PCDHGA2: variants seen among roughly 807,000 people sequenced by gnomAD.
PCDHGA2 encodes protocadherin gamma subfamily A, 2.
Under a neutral mutation model 59.2 loss-of-function variants are expected in PCDHGA2, and 40 were observed. The observed-to-expected ratio is 0.68, with a 90% CI of 0.52 to 0.88. The LOEUF (loss-of-function observed/expected upper bound fraction) is 0.88. Ranked by LOEUF, PCDHGA2 falls within the 40% of genes least tolerant of loss-of-function variation. The probability of loss-of-function intolerance (pLI) is 0.00; values close to 1 mark genes in which losing one functional copy is unlikely to be tolerated. For synonymous variants in PCDHGA2, 560 were observed against 526.0 expected, an observed-to-expected ratio of 1.06 and a Z score of -0.89; for missense variants, 1,226 against 1,204.0, an observed-to-expected ratio of 1.02 and a Z score of -0.27.
Position 141,342,842 on chromosome 5 carries a change from C to T in PCDHGA2, c.2424+1447C>T, listed in dbSNP as rs1757217273. 3.3e-5 allele frequency: 5 copies of T among 152,270 alleles called. No homozygotes were observed. In the South Asian group the frequency reaches 1.0e-3, roughly 32 times the overall value. The allele number at this position is 152,270 out of a possible 1,614,324, so 9.4% of individuals were successfully genotyped here. On this transcript the variant is annotated intron_variant, in intron 1 of 3. Transcript: ENST00000394576. Reference sequence around the variant, plus strand: ...GATTCTGGAACATAAAAGCTTATTTCTACTAGTTTCAGTTGGTTTTGAAAA... The same window carrying T: ...GATTCTGGAACATAAAAGCTTATTTTTACTAGTTTCAGTTGGTTTTGAAAA...
At chr5:141,371,550 C>T in intron 1 of PCDHGA2, 1 of 1,613,828 alleles carries the variant, frequency 6.2e-7, no homozygotes, top group South Asian at 1.1e-5. Context: ...CCTATGCCAA[C>T]TAAAAGGAAA....
chr5:141,341,014 C>T lies in PCDHGA2; in HGVS notation c.2043C>T (p.Ser681=), dbSNP rs760848741. 7.4e-6 allele frequency: 12 copies of T among 1,614,112 alleles called. No individual in the cohort carries two copies. Among genetic ancestry groups the T allele is most frequent in the South Asian group, 3.3e-5 (3 of 91,076 alleles). The stretch of plus-strand genomic sequence containing the variant: ...CCGACCTGGGCAGCCTCGAGCCCTC[C>T]GCCATACCCAACGATTCGGACCTCA... ...ILADLGSLEP[S]AIPNDSDLTL... The change falls in exon 1 of 4, where the codon TCC becomes TCT. Residue 681 remains serine, a synonymous_variant. Transcript: ENST00000394576.
In PCDHGA2 at chr5:141,405,262, C is replaced by A. The variant is rs1352663124; in HGVS notation, c.2424+63867C>A. ...ACTCAAGGAAGAGTCACCTGATCTT[C>A]CCCCAGCCCAACTATGCAGACACAC... On this transcript the variant is annotated intron_variant, in intron 1 of 3. Coordinates refer to ENST00000394576, the MANE Select transcript of PCDHGA2 (RefSeq NM_018915.4). The A allele has an allele frequency of 2.5e-6, 4 of 1,614,012 alleles. No individual in the cohort carries two copies. In the African/African-American group the frequency reaches 5.3e-5, roughly 22 times the overall value.
chr5:141,501,970 T>C (rs2099812082), intron 2 of PCDHGA2, among the ~76,000 whole-genome samples: 1 of 152,068 alleles, frequency 6.6e-6, no homozygotes. Flanking sequence ...TCCTAACCTC[T>C]GGCATCTGGT....
intron 1 of PCDHGA2, chr5:141,415,452 C>G (rs2095870569): frequency 1.9e-6 from 3 of 1,614,122 alleles, no homozygotes; most frequent in Admixed American, 1.7e-5. Context: ...CCTATTCCCA[C>G]GAGGTCTCTC....
Position 141,339,953 on chromosome 5 carries a change from C to G in PCDHGA2, c.982C>G (p.Leu328Val). The change falls in exon 1 of 4, where the codon CTA becomes GTA. Residue 328 changes from leucine to valine, a missense_variant. By Grantham distance (32) the Leu-to-Val change is conservative. Transcript: ENST00000394576. ...DIEAQDGPGL[L>V]TRAKVIVTVL... Reference sequence around the variant, plus strand: ...TGAAGCTCAGGATGGTCCGGGCCTTCTAACCAGAGCGAAGGTTATCGTCAC... The same window carrying G: ...TGAAGCTCAGGATGGTCCGGGCCTTGTAACCAGAGCGAAGGTTATCGTCAC... 1 of 1,614,142 alleles carries G rather than the reference C, an allele frequency of 6.2e-7. No individual in the cohort carries two copies. The highest frequency in any genetic ancestry group is 8.5e-7 in the Non-Finnish European group (1 of 1,179,990).
At chr5:141,398,608 G>C in intron 1 of PCDHGA2, 4 of 1,614,062 alleles carry the variant, frequency 2.5e-6, no homozygotes, top group Non-Finnish European at 3.4e-6. Context: ...AGAAGATGCA[G>C]ATATTGGCTT....
chr5:141,375,428 C>T, intron 1 of PCDHGA2: 1 of 1,613,984 alleles, frequency 6.2e-7, no homozygotes, highest in Non-Finnish European at 8.5e-7. Flanking sequence ...CAACGACAAC[C>T]CGCCCACCTT....
Position 141,431,449 on chromosome 5 carries a change from G to A in PCDHGA2, c.2425-63358G>A. Reference sequence around the variant, plus strand: ...GCACAGGCACCGCGCGCATCCGCGTGATGGTTCTGGATGCGAACGACAACG... The same window carrying A: ...GCACAGGCACCGCGCGCATCCGCGTAATGGTTCTGGATGCGAACGACAACG... On this transcript the variant is annotated intron_variant, in intron 1 of 3. Coordinates refer to ENST00000394576, the MANE Select transcript of PCDHGA2 (RefSeq NM_018915.4). The surrounding 1 kb of genome is among the most constrained non-coding windows in gnomAD (Gnocchi z 4.8). The A allele has an allele frequency of 6.2e-7, 1 of 1,613,742 alleles. No individual in the cohort carries two copies. Among genetic ancestry groups the A allele is most frequent in the South Asian group, 1.1e-5 (1 of 91,082 alleles).
chr5:141,432,336 G>A lies in PCDHGA2; in HGVS notation c.2425-62471G>A. On this transcript the variant is annotated intron_variant, in intron 1 of 3. Coordinates refer to ENST00000394576, the MANE Select transcript of PCDHGA2 (RefSeq NM_018915.4). The surrounding 1 kb of genome is among the most constrained non-coding windows in gnomAD (Gnocchi z 6.0). ...AGCTCCTTCGACTACGAGCAGTTCC[G>A]AGACTTGCAAGTGAAAGTGATGGCG... 1.2e-6 allele frequency: 2 copies of A among 1,614,250 alleles called. No homozygotes were observed. The highest frequency in any genetic ancestry group is 1.7e-6 in the Non-Finnish European group (2 of 1,180,040).
chr5:141,388,324 A>G, intron 1 of PCDHGA2: 1 of 1,613,978 alleles, frequency 6.2e-7, no homozygotes, highest in Non-Finnish European at 8.5e-7. Context: ...GAGTCTGCAC[A>G]GCCTGGCACA....
chr5:141,368,472 A>G (rs1765672364), intron 1 of PCDHGA2, among the ~76,000 whole-genome samples: 1 of 152,196 alleles, frequency 6.6e-6, no homozygotes, highest in South Asian at 2.1e-4. Flanking sequence ...ATGCATCCAA[A>G]GAGTAACAAG....
Position 141,399,060 on chromosome 5 carries a change from T to C in PCDHGA2, c.2424+57665T>C, listed in dbSNP as rs903637711. 1.9e-5 allele frequency: 31 copies of C among 1,613,868 alleles called. No homozygotes were observed. In the African/African-American group the frequency reaches 2.8e-4, roughly 15 times the overall value. ...TGGATTTTGAAGAGACCAAGGAATA[T>C]TCAATGGTTGTAGAAGGGAGGGATG... On this transcript the variant is annotated intron_variant, in intron 1 of 3. Coordinates refer to ENST00000394576, the MANE Select transcript of PCDHGA2 (RefSeq NM_018915.4).
In PCDHGA2 at chr5:141,489,744, C is replaced by T. The variant is rs185263705; in HGVS notation, c.2425-5063C>T. The T allele has an allele frequency of 1.1e-5, 18 of 1,614,144 alleles. No homozygotes were observed. In the Admixed American group the frequency reaches 2.8e-4, roughly 25 times the overall value. Reference sequence around the variant, plus strand: ...CGGATGTGGGCACCAATACTGTGAGCTTTTACACTCTAAGCCCCAACAGCC... The same window carrying T: ...CGGATGTGGGCACCAATACTGTGAGTTTTTACACTCTAAGCCCCAACAGCC... On this transcript the variant is annotated intron_variant, in intron 1 of 3. Transcript: ENST00000394576. This position sits in a 1 kb window ranked among gnomAD's most constrained non-coding sequence, Gnocchi z 4.5.
intron 1 of PCDHGA2, chr5:141,424,728 G>A (rs907091181): frequency 1.3e-5 from 2 of 152,102 alleles, no homozygotes; most frequent in African/African-American, 2.4e-5. Flanking sequence ...GGGAGTCATA[G>A]ATTCCTTCTT....
At chr5:141,394,861 A>G in intron 1 of PCDHGA2, 1 of 1,613,390 alleles carries the variant, frequency 6.2e-7, no homozygotes. Flanking sequence ...CCTTCGGTCG[A>G]CCCGAACGAT....
chr5:141,375,643 CGACTAT>C, intron 1 of PCDHGA2: 1 of 1,614,210 alleles, frequency 6.2e-7, no homozygotes, highest in Non-Finnish European at 8.5e-7. Context: ...TGCGCTCCTT[CGACTAT>C]GAGCAGTTGA....
In PCDHGA2 at chr5:141,490,679, A is replaced by C; in HGVS notation, c.2425-4128A>C. On this transcript the variant is annotated intron_variant, in intron 1 of 3. Coordinates refer to ENST00000394576, the MANE Select transcript of PCDHGA2 (RefSeq NM_018915.4). The surrounding 1 kb of genome is among the most constrained non-coding windows in gnomAD (Gnocchi z 5.4). ...CTTCTTTGCACTGTGGCTGCCTCAG[A>C]TCCAGACACTGGGGATAATGCCCGC... 6.2e-7 allele frequency: 1 copy of C among 1,614,164 alleles called. No individual in the cohort carries two copies. The highest frequency in any genetic ancestry group is 8.5e-7 in the Non-Finnish European group (1 of 1,180,034).
intron 1 of PCDHGA2, chr5:141,403,361 A>T (rs760277157): frequency 3.1e-6 from 5 of 1,614,050 alleles, no homozygotes; most frequent in Middle Eastern, 1.6e-4. Context: ...CCAGGCCGAA[A>T]GTCTGGAAGT....
Sources: allele counts gnomAD v4.1 joint callset (sites outside exome capture counted in the v4.1 genomes callset), GRCh38; gene constraint gnomAD v4.1.1; non-coding constraint Gnocchi (gnomAD v3.1); transcripts MANE v1.5; gene names NCBI Gene and HGNC (gene_info 2026-07-23, HGNC 2026-07-21).